RASSF6: variants seen among roughly 807,000 people sequenced by gnomAD.
RASSF6 encodes the protein Ras association domain family member 6.
Under a neutral mutation model 44.0 loss-of-function variants are expected in RASSF6, and 52 were observed. That is an observed-to-expected ratio of 1.18 (90% CI 0.95 to 1.49). The LOEUF is 1.49. RASSF6 is among the 40% of genes most tolerant of loss of function. RASSF6 has a pLI of 0.00. For missense variants in RASSF6, 464 were observed against 393.3 expected (o/e 1.18, Z -1.52); for synonymous variants, 162 against 124.6 (o/e 1.30, Z -2.00).
At position 73,586,632 on chromosome 4, in the gene RASSF6, G is replaced by C. The variant is rs191223880; in HGVS notation, c.382+1208C>G. Among the ~76,000 whole-genome samples the C allele has an allele frequency of 5.9e-5, 9 of 152,026 alleles. No homozygotes were observed. The East Asian group carries it at 1.7e-3, about 29-fold the overall frequency. On this transcript the variant is annotated intron_variant, in intron 5 of 10. Coordinates refer to ENST00000307439, the MANE Select transcript of RASSF6 (RefSeq NM_177532.5). ...TTAGGATTTTAAAAAATTTTCTACT[G>C]TAATTAGAACATTATCAAATAGGCA...
chr4:73,601,762 T>C (rs1170732827), intron 2 of RASSF6, among the ~76,000 whole-genome samples: 2 of 152,256 alleles, frequency 1.3e-5, no homozygotes, highest in African/African-American at 4.8e-5. Flanking sequence ...ATGTCTAATA[T>C]AACCTTGAAA....
In RASSF6 at chr4:73,573,947, G is replaced by C. The variant is rs565588958; in HGVS notation, c.*2288C>G. ...TTTCCTGATTCCTCCAGGCTGACAGGCCAGGCTACTGGAGAGCAGGCTTTT... is the reference window on the plus strand; with the variant it reads ...TTTCCTGATTCCTCCAGGCTGACAGCCCAGGCTACTGGAGAGCAGGCTTTT... On this transcript the variant is annotated 3_prime_UTR_variant, in exon 11 of 11. Coordinates refer to ENST00000307439, the MANE Select transcript of RASSF6 (RefSeq NM_177532.5). 9.2e-5 allele frequency: 14 copies of C among 152,382 alleles called. No individual in the cohort carries two copies. Among genetic ancestry groups the C allele is most frequent in the African/African-American group, 3.1e-4 (13 of 41,560 alleles). 9.4% of individuals were successfully genotyped at this position (152,382 alleles called of 1,614,324 possible).
At chr4:73,591,686 T>A (rs968057853) in intron 4 of RASSF6, among the ~76,000 whole-genome samples, 1 of 152,140 alleles carries the variant, frequency 6.6e-6, no homozygotes, top group African/African-American at 2.4e-5. Context: ...CCTTAGGCCC[T>A]GAGCCCTAAG....
chr4:73,586,212 A>G (rs1405443042), intron 5 of RASSF6, among the ~76,000 whole-genome samples: 1 of 151,758 alleles, frequency 6.6e-6, no homozygotes, highest in African/African-American at 2.4e-5. Context: ...TCTTTTTAGA[A>G]CATTCCAGAT....
In RASSF6 at chr4:73,587,900, G is replaced by T. The variant is rs142555062; in HGVS notation, c.322C>A (p.Arg108Ser). The T allele has an allele frequency of 4.3e-6, 7 of 1,609,390 alleles. No homozygotes were observed. Among genetic ancestry groups the T allele is most frequent in the African/African-American group, 2.7e-5 (2 of 74,702 alleles). Reference protein sequence around the residue: ...TRWGEFDDLYRISELDRTQIP... With the variant: ...TRWGEFDDLYSISELDRTQIP... Reference sequence around the variant, plus strand: ...TGGGTCCTGTCCAGCTCACTAATACGATAGAGATCGTCAAATTCCCCCCAG... The same window carrying T: ...TGGGTCCTGTCCAGCTCACTAATACTATAGAGATCGTCAAATTCCCCCCAG... Residue 108 changes from arginine (R) to serine (S), a missense_variant, in exon 5 of 11, where the codon CGT (arginine) becomes AGT (serine). Physicochemically the swap from Arg to Ser is moderately radical, Grantham distance 110 (BLOSUM62 -1). Coordinates refer to ENST00000307439, the MANE Select transcript of RASSF6 (RefSeq NM_177532.5).
At chr4:73,590,397 T>A (rs1200997994) in intron 4 of RASSF6, among the ~76,000 whole-genome samples, 1 of 152,234 alleles carries the variant, frequency 6.6e-6, no homozygotes, top group Non-Finnish European at 1.5e-5. Flanking sequence ...AAATCTGTCA[T>A]CCTGCAAGAG....
intron 2 of RASSF6, among the ~76,000 whole-genome samples, chr4:73,601,321 G>T (rs1440022672): frequency 3.3e-5 from 5 of 152,026 alleles, no homozygotes; most frequent in Non-Finnish European, 7.4e-5. Flanking sequence ...CATTGTCTAT[G>T]TCTGTTTTTC....
chr4:73,602,335 C>A (rs1355681011), intron 2 of RASSF6, among the ~76,000 whole-genome samples: 3 of 152,218 alleles, frequency 2.0e-5, no homozygotes, highest in Non-Finnish European at 4.4e-5. Context: ...AGTGAGACCA[C>A]TGCAACACTA....
At chr4:73,603,198 C>T (rs1423721953) in intron 2 of RASSF6, among the ~76,000 whole-genome samples, 1 of 152,120 alleles carries the variant, frequency 6.6e-6, no homozygotes, top group Non-Finnish European at 1.5e-5. Flanking sequence ...GTTTTTGGAA[C>T]GTGAAACACT....
At chr4:73,597,838 C>T (rs1373591948) in intron 3 of RASSF6, among the ~76,000 whole-genome samples, 1 of 152,058 alleles carries the variant, frequency 6.6e-6, no homozygotes, top group Non-Finnish European at 1.5e-5. Flanking sequence ...AGCTAGAGGC[C>T]ATCATTCTTA....
intron 2 of RASSF6, among the ~76,000 whole-genome samples, chr4:73,608,149 A>G (rs1725776919): frequency 6.6e-6 from 1 of 150,514 alleles, no homozygotes. Context: ...TCACGCATCC[A>G]GAAATTGAAA....
Position 73,616,248 on chromosome 4 carries a change from TC to T in RASSF6, c.-35+4039del, listed in dbSNP as rs1233679187. On this transcript the variant is annotated intron_variant, in intron 1 of 10. Coordinates refer to ENST00000307439, the MANE Select transcript of RASSF6 (RefSeq NM_177532.5). ...ATCTATCTATCTATCTATCTATCTA[TC>T]TATCTATCTATCTATCTATACATAT... Among the ~76,000 whole-genome samples the T allele has an allele frequency of 1.3e-3, 204 of 152,204 alleles. 1 individual carries two copies. Among genetic ancestry groups the T allele is most frequent in the African/African-American group, 4.6e-3 (191 of 41,522 alleles).
intron 4 of RASSF6, 123 bp downstream of exon 4, chr4:73,593,328 T>G: frequency 9.9e-7 from 1 of 1,009,606 alleles, no homozygotes; most frequent in Non-Finnish European, 1.4e-6. Context: ...TGCTGGGAAA[T>G]TAAATGAGAT....
At position 73,572,621 on chromosome 4, in the gene RASSF6, A is replaced by C. The variant is rs1187885241; in HGVS notation, c.*3614T>G. 6.6e-6 allele frequency: 1 copy of C among 152,208 alleles called. No homozygotes were observed. Among genetic ancestry groups the C allele is most frequent in the Non-Finnish European group, 1.5e-5 (1 of 68,028 alleles). 9.4% of individuals were successfully genotyped at this position (152,208 alleles called of 1,614,324 possible). A position where few individuals can be genotyped will look rare whatever the true frequency, so the allele number is the denominator to read the frequency against. On this transcript the variant is annotated 3_prime_UTR_variant, in exon 11 of 11. Transcript: ENST00000307439. ...TTAAGCTTCATCTCTTCAAAGGAGA[A>C]GAATCAGACTTTATGGATATAAAAC... is the stretch of plus-strand genomic sequence containing the variant.
chr4:73,600,195 T>C (rs1725188757), intron 2 of RASSF6, among the ~76,000 whole-genome samples: 1 of 152,204 alleles, frequency 6.6e-6, no homozygotes, highest in African/African-American at 2.4e-5. Flanking sequence ...TTATGTTCTG[T>C]CTCCTCCATT....
In RASSF6 at chr4:73,611,782, G is replaced by T. The variant is rs1726030979; in HGVS notation, c.14C>A (p.Ala5Asp). ...GAAGATCCAAGAGGGGTACTGGTGA[G>T]CCATCATAGTCATCTTTTCCTCCTT... is the stretch of plus-strand genomic sequence containing the variant. MTMM[A>D]HQYPSWIFIN... Residue 5 changes from alanine to aspartate, a missense_variant, in exon 2 of 11, where the codon GCT becomes GAT. Coordinates refer to ENST00000307439, the MANE Select transcript of RASSF6 (RefSeq NM_177532.5). 6 of 1,611,282 alleles carry T rather than the reference G, an allele frequency of 3.7e-6. No individual in the cohort carries two copies. In the African/African-American group the frequency reaches 6.7e-5, roughly 18 times the overall value.
At chr4:73,599,291 G>A (rs1294350603) in intron 2 of RASSF6, among the ~76,000 whole-genome samples, 2 of 152,222 alleles carry the variant, frequency 1.3e-5, no homozygotes, top group Non-Finnish European at 2.9e-5. Context: ...GCTGGGTGAA[G>A]CAACAGTAAG....
At chr4:73,610,209 T>C (rs931945192) in intron 2 of RASSF6, among the ~76,000 whole-genome samples, 26 of 152,204 alleles carry the variant, frequency 1.7e-4, no homozygotes, top group African/African-American at 5.5e-4. Context: ...CTCACACCCA[T>C]GTCTAACCCT....
At chr4:73,603,338 T>A (rs150621136) in intron 2 of RASSF6, among the ~76,000 whole-genome samples, 6 of 152,256 alleles carry the variant, frequency 3.9e-5, no homozygotes, top group African/African-American at 7.2e-5. Flanking sequence ...CTGTAAATTA[T>A]AAGTTTCTCC....
Sources: gnomAD v4.1 joint callset for allele counts (sites outside exome capture counted in the v4.1 genomes callset) on GRCh38, gnomAD v4.1.1 for gene constraint, MANE v1.5 for transcripts, NCBI Gene and HGNC (gene_info 2026-07-23, HGNC 2026-07-21) for gene names.